Variants in ANKDD1B observed in about 807,000 individuals in gnomAD.
ANKDD1B encodes the protein ankyrin repeat and death domain-containing protein 1B.
Under a neutral mutation model 59.7 loss-of-function variants are expected in ANKDD1B, and 57 were observed. The observed-to-expected ratio is 0.95, with a 90% CI of 0.77 to 1.19. The LOEUF (loss-of-function observed/expected upper bound fraction) is 1.19. Among genes scored for constraint, ANKDD1B ranks in the 50% most tolerant of loss-of-function variants. ANKDD1B has a pLI of 0.00. For missense variants in ANKDD1B, 602 were observed against 641.9 expected (o/e 0.94, Z 0.67); for synonymous variants, 216 against 239.5 (o/e 0.90, Z 0.91).
chr5:75,638,189 A>G (rs1774366339), intron 7 of ANKDD1B, among the ~76,000 whole-genome samples: 1 of 152,190 alleles, frequency 6.6e-6, no homozygotes, highest in African/African-American at 2.4e-5. Context: ...CTATTAAAAC[A>G]TGTTTAAACC....
rs1189370859 is a variant in ANKDD1B at position 75,611,715 on chromosome 5, T to C, written c.81T>C (p.Gly27=). Residue 27 remains glycine (G), a synonymous_variant, in exon 1 of 14, where the codon GGT becomes GGC. Coordinates refer to ENST00000601380, the MANE Select transcript of ANKDD1B (RefSeq NM_001276713.2). ...TCCGGGCTGCTGCGGCCGCCAAGGG[T>C]CTCAGGGAAGACCTGTGGGGCGCGG... ...LLLRAAAAAK[G]LREDLWGAAA... 2 of 1,231,578 alleles carry C rather than the reference T, an allele frequency of 1.6e-6. No homozygotes were observed. The highest frequency in any genetic ancestry group is 1.6e-5 in the African/African-American group (1 of 64,330). 76.3% of individuals were successfully genotyped at this position (1,231,578 alleles called of 1,614,324 possible). A position where few individuals can be genotyped will look rare whatever the true frequency, so the allele number is the denominator to read the frequency against.
At chr5:75,653,420 AG>A (rs1365632375) in intron 8 of ANKDD1B, among the ~76,000 whole-genome samples, 180 bp downstream of exon 8, 1 of 152,172 alleles carries the variant, frequency 6.6e-6, no homozygotes, top group Non-Finnish European at 1.5e-5. Flanking sequence ...ATAAAATCCG[AG>A]GGATGAATTT....
Position 75,611,475 on chromosome 5 carries a change from C to T in ANKDD1B, c.-160C>T, listed in dbSNP as rs753901182. On this transcript the variant is annotated 5_prime_UTR_variant, in exon 1 of 14. Coordinates refer to ENST00000601380, the MANE Select transcript of ANKDD1B (RefSeq NM_001276713.2). ...CTTGTTGCCCAGCGAACCGCCACAACAGAGAGCGGACTCGATCCTGCGCTC... is the reference window on the plus strand; with the variant it reads ...CTTGTTGCCCAGCGAACCGCCACAATAGAGAGCGGACTCGATCCTGCGCTC... The T allele has an allele frequency of 4.2e-6, 2 of 481,604 alleles. No individual in the cohort carries two copies. Among genetic ancestry groups the T allele is most frequent in the East Asian group, 3.5e-5 (1 of 28,404 alleles). 29.8% of individuals were successfully genotyped at this position (481,604 alleles called of 1,614,324 possible).
rs1773553920 is a variant in ANKDD1B at position 75,611,571 on chromosome 5, T to C, written c.-64T>C. ...GCCTGGGTCTGGATCTGTGTCCGAG[T>C]CTGGGTCTGGATCTGGGTCCGAGTC... On this transcript the variant is annotated 5_prime_UTR_variant, in exon 1 of 14. Coordinates refer to ENST00000601380, the MANE Select transcript of ANKDD1B (RefSeq NM_001276713.2). The C allele has an allele frequency of 2.8e-6, 3 of 1,067,706 alleles. No homozygotes were observed. The highest frequency in any genetic ancestry group is 3.5e-6 in the Non-Finnish European group (3 of 857,448). 66.1% of individuals were successfully genotyped at this position (1,067,706 alleles called of 1,614,324 possible). A position where few individuals can be genotyped will look rare whatever the true frequency, so the allele number is the denominator to read the frequency against.
In ANKDD1B at chr5:75,659,305, T is replaced by G. The variant is rs1174774284; in HGVS notation, c.1019T>G (p.Val340Gly). ...CAGAAGCAGCAAACCCCTCTGCATG[T>G]AGCTGCTGATCGTGGAAATGTGGAA... ...LNQKQQTPLH[V>G]AADRGNVELV... is the part of the protein sequence containing the mutation. The change falls in exon 10 of 14, where the codon GTA (valine) becomes GGA (glycine). Residue 340 changes from valine (V) to glycine (G), a missense_variant. Physicochemically the swap from Val to Gly is moderately radical, Grantham distance 109. Around this residue, in one of 3 missense-constraint regions of ANKDD1B, gnomAD observed 280 missense variants for 319.8 expected, o/e 0.88. Transcript: ENST00000601380. 6.5e-7 allele frequency: 1 copy of G among 1,536,078 alleles called. No individual in the cohort carries two copies.
intron 12 of ANKDD1B, among the ~76,000 whole-genome samples, chr5:75,667,624 A>G (rs1463727206): frequency 6.6e-6 from 1 of 152,248 alleles, no homozygotes; most frequent in Non-Finnish European, 1.5e-5. Flanking sequence ...AAGTCAGGTC[A>G]GCTAGATTCC....
At chr5:75,655,956 A>G (rs1774963269) in intron 8 of ANKDD1B, 73 bp from the exon 9 acceptor site, 1 of 698,572 alleles carries the variant, frequency 1.4e-6, no homozygotes, top group East Asian at 2.8e-5. Flanking sequence ...ATAGCTGCTG[A>G]AATGAGTTGC....
chr5:75,629,081 T>C (rs1774072453), intron 5 of ANKDD1B, among the ~76,000 whole-genome samples: 1 of 152,136 alleles, frequency 6.6e-6, no homozygotes, highest in African/African-American at 2.4e-5. Flanking sequence ...AAGCTTCTTT[T>C]TCTGGGAGGG....
intron 3 of ANKDD1B, among the ~76,000 whole-genome samples, chr5:75,621,867 C>A (rs570310920): frequency 5.3e-5 from 8 of 152,188 alleles, no homozygotes; most frequent in Non-Finnish European, 1.0e-4. Flanking sequence ...ATGACTATTT[C>A]TCTTAACTTT....
At chr5:75,635,393 G>T in intron 6 of ANKDD1B, 1 of 193,498 alleles carries the variant, frequency 5.2e-6, no homozygotes, top group Non-Finnish European at 1.1e-5. Flanking sequence ...TCCTAGATAT[G>T]GAATTGTGGG....
At chr5:75,619,838 A>C (rs1311819430) in intron 2 of ANKDD1B, among the ~76,000 whole-genome samples, 5 of 151,958 alleles carry the variant, frequency 3.3e-5, no homozygotes, top group Non-Finnish European at 5.9e-5. Flanking sequence ...TCTTCCTTTC[A>C]GAAGGAATTT....
At chr5:75,654,605 A>G (rs1037861723) in intron 8 of ANKDD1B, among the ~76,000 whole-genome samples, 5 of 152,110 alleles carry the variant, frequency 3.3e-5, no homozygotes, top group Non-Finnish European at 7.3e-5. Context: ...GCTTGAACCC[A>G]GGAGTTTCAG....
chr5:75,635,911 G>A (rs1231570129), intron 7 of ANKDD1B, 29 bp downstream of exon 7: 4 of 1,385,560 alleles, frequency 2.9e-6, no homozygotes, highest in Admixed American at 2.0e-5. Context: ...TATTGCCATA[G>A]GACTTAAATG....
At chr5:75,631,295 A>G (rs1472492992) in intron 5 of ANKDD1B, among the ~76,000 whole-genome samples, 2 of 152,222 alleles carry the variant, frequency 1.3e-5, no homozygotes, top group South Asian at 4.1e-4. Context: ...TTAAATTTTG[A>G]TTAACTTTTT....
At chr5:75,654,185 C>T (rs956755800) in intron 8 of ANKDD1B, among the ~76,000 whole-genome samples, 7 of 152,126 alleles carry the variant, frequency 4.6e-5, no homozygotes, top group African/African-American at 1.2e-4. Flanking sequence ...TCTACCTGTC[C>T]CCTCGTCTCC....
chr5:75,667,458 G>A (rs1775341756), intron 12 of ANKDD1B, among the ~76,000 whole-genome samples: 1 of 152,124 alleles, frequency 6.6e-6, no homozygotes, highest in Admixed American at 6.5e-5. Context: ...TAAAGCAGGT[G>A]GGTGTAGGAG....
At chr5:75,614,680 G>T (rs1443466411) in intron 1 of ANKDD1B, among the ~76,000 whole-genome samples, 1 of 152,200 alleles carries the variant, frequency 6.6e-6, no homozygotes, top group Non-Finnish European at 1.5e-5. Context: ...GCCATCACTT[G>T]TGCTTTCAGT....
At chr5:75,656,707 T>G (rs192477141) in intron 9 of ANKDD1B, among the ~76,000 whole-genome samples, 1 of 151,990 alleles carries the variant, frequency 6.6e-6, no homozygotes, top group African/African-American at 2.4e-5. Flanking sequence ...GAGCCTGCTC[T>G]CTGGGGCTCT....
intron 9 of ANKDD1B, among the ~76,000 whole-genome samples, chr5:75,657,704 T>G (rs942817737): frequency 4.6e-5 from 7 of 151,974 alleles, no homozygotes; most frequent in Non-Finnish European, 7.4e-5. Flanking sequence ...GTCAGGAGTT[T>G]GAGACAAGCC....
Sources: allele counts gnomAD v4.1 joint callset (sites outside exome capture counted in the v4.1 genomes callset), GRCh38; gene constraint gnomAD v4.1.1; regional missense constraint gnomAD v4.1.1; transcripts MANE v1.5; gene names NCBI Gene and HGNC (gene_info 2026-07-23, HGNC 2026-07-21).